PKD1L1: variants seen among roughly 807,000 people sequenced by gnomAD.
PKD1L1 encodes polycystin 1 like 1, transient receptor potential channel interacting.
PKD1L1 carries 236 observed loss-of-function variants against 323.4 expected under a neutral mutation model. The observed-to-expected ratio is 0.73, with a 90% CI of 0.66 to 0.81. The LOEUF is 0.81. Among genes scored for constraint, PKD1L1 ranks in the 40% least tolerant of loss-of-function variants. The pLI is 0.00. For synonymous variants in PKD1L1, 1,344 were observed against 1,335.0 expected (o/e 1.01, Z -0.15); for missense variants, 3,320 against 3,508.0 (o/e 0.95, Z 1.35).
intron 55 of PKD1L1, among the ~76,000 whole-genome samples, chr7:47,794,276 C>T (rs941217269): frequency 4.6e-5 from 7 of 152,126 alleles, no homozygotes; most frequent in Admixed American, 3.9e-4. Flanking sequence ...GGCCTGGATG[C>T]CAAGGAGGAA....
At chr7:47,939,753 C>T (rs547330215) in intron 3 of PKD1L1, among the ~76,000 whole-genome samples, 18 of 152,290 alleles carry the variant, frequency 1.2e-4, no homozygotes, top group South Asian at 2.1e-4. Context: ...GGAGCCATCT[C>T]GGGGCAGCTC....
At chr7:47,954,230 C>A in the PKD1L1 span, among the ~76,000 whole-genome samples, 1 of 152,168 alleles carries the variant, frequency 6.6e-6, no homozygotes, top group African/African-American at 2.4e-5. Context: ...CGTGAACTGG[C>A]AGCCTCTGGT....
At chr7:47,894,766 G>A (rs990529627) in intron 14 of PKD1L1, among the ~76,000 whole-genome samples, 1 of 151,080 alleles carries the variant, frequency 6.6e-6, no homozygotes, top group Non-Finnish European at 1.5e-5. Context: ...CACAAGAATC[G>A]CTTGAACCCA....
In PKD1L1 at chr7:47,813,212, G is replaced by T. The variant is rs1438662189; in HGVS notation, c.7255C>A (p.Leu2419Met). The change falls in exon 49 of 57, where the codon CTG becomes ATG. Residue 2419 changes from leucine (L) to methionine (M), a missense_variant. Physicochemically the swap from Leu to Met is conservative, Grantham distance 15 (BLOSUM62 2). Transcript: ENST00000289672. ...ACGTTTTGGTTCTCTGGGTCTATCA[G>T]GTAGGGGTTCTCAGGGCCTCCAACT... is the stretch of plus-strand genomic sequence containing the variant. ...PEVGGPENPYLIDPENQNVTL... is the reference protein window; with the variant it reads ...PEVGGPENPYMIDPENQNVTL... 1 of 1,614,088 alleles carries T rather than the reference G, an allele frequency of 6.2e-7. No homozygotes were observed. Among genetic ancestry groups the T allele is most frequent in the Non-Finnish European group, 8.5e-7 (1 of 1,180,052 alleles).
chr7:47,803,616 G>A (rs1173751922), intron 52 of PKD1L1, among the ~76,000 whole-genome samples: 1 of 152,180 alleles, frequency 6.6e-6, no homozygotes, highest in Non-Finnish European at 1.5e-5. Flanking sequence ...AGGTCTAGCA[G>A]GCACACACAG....
chr7:47,857,843 G>C lies in PKD1L1; in HGVS notation c.4363-11C>G, dbSNP rs1183031465. 6.8e-6 allele frequency: 11 copies of C among 1,610,526 alleles called. No homozygotes were observed. Among genetic ancestry groups the C allele is most frequent in the Non-Finnish European group, 9.3e-6 (11 of 1,176,988 alleles). The stretch of plus-strand genomic sequence containing the variant: ...CAAAGAGAGACAACCCTGAAACATA[G>C]AGCATAGGGAGTGGGATGTTTATAA... On this transcript the variant is annotated splice_polypyrimidine_tract_variant and intron_variant, in intron 27 of 56. Coordinates refer to ENST00000289672, the MANE Select transcript of PKD1L1 (RefSeq NM_138295.5).
intron 56 of PKD1L1, among the ~76,000 whole-genome samples, chr7:47,783,945 G>A (rs1433784210): frequency 1.3e-5 from 2 of 152,190 alleles, no homozygotes; most frequent in Non-Finnish European, 2.9e-5. Flanking sequence ...TTTAGTCCTT[G>A]AGAATTCAAC....
chr7:47,787,007 T>C (rs961737861), intron 56 of PKD1L1, among the ~76,000 whole-genome samples: 2 of 152,192 alleles, frequency 1.3e-5, no homozygotes. Flanking sequence ...TATTGATAGC[T>C]CCAGGCATCC....
chr7:47,903,751 T>A (rs938778350), intron 12 of PKD1L1, among the ~76,000 whole-genome samples: 9 of 152,226 alleles, frequency 5.9e-5, no homozygotes, highest in Admixed American at 5.2e-4. Context: ...CTTGACCATG[T>A]GTGTCTCCCT....
At chr7:47,948,325 T>C (rs1030057918) in intron 1 of PKD1L1, 72 bp downstream of exon 1, 1 of 1,575,010 alleles carries the variant, frequency 6.3e-7, no homozygotes, top group Non-Finnish European at 8.7e-7. Context: ...GTGATGACTT[T>C]TGAAAGAAAA....
chr7:47,793,121 T>C (rs187424844), intron 55 of PKD1L1, among the ~76,000 whole-genome samples: 18 of 150,536 alleles, frequency 1.2e-4, no homozygotes, highest in African/African-American at 3.9e-4. Flanking sequence ...CATTCTTTCA[T>C]CCCTTCGATT....
At chr7:47,775,297 C>T (rs1786543215) in intron 56 of PKD1L1, 131 bp from the exon 57 acceptor site, 3 of 922,792 alleles carry the variant, frequency 3.3e-6, no homozygotes, top group African/African-American at 3.4e-5. Flanking sequence ...ACCAAGGTGA[C>T]ATTTACAGAA....
At chr7:47,865,304 GAA>G in intron 25 of PKD1L1, 32 bp from the exon 26 acceptor site, 1 of 1,584,546 alleles carries the variant, frequency 6.3e-7, no homozygotes, top group Non-Finnish European at 8.6e-7. Context: ...AAAACAAAAA[GAA>G]AATGCAAGGA....
intron 56 of PKD1L1, among the ~76,000 whole-genome samples, chr7:47,788,533 C>G (rs937909555): frequency 3.4e-5 from 5 of 148,480 alleles, no homozygotes; most frequent in Admixed American, 1.3e-4. Flanking sequence ...GCTGGGATTA[C>G]AGGTGTGAGC....
intron 24 of PKD1L1, among the ~76,000 whole-genome samples, chr7:47,867,853 T>G (rs1444571730): frequency 1.3e-5 from 2 of 151,804 alleles, no homozygotes; most frequent in Non-Finnish European, 2.9e-5. Context: ...AAAAGTAAAT[T>G]TGAGAAAAGA....
intron 56 of PKD1L1, among the ~76,000 whole-genome samples, chr7:47,775,677 GAAGA>G (rs1359464122): frequency 6.6e-6 from 1 of 151,882 alleles, no homozygotes; most frequent in Admixed American, 6.5e-5. Flanking sequence ...TATATTAAAA[GAAGA>G]AAGGTCTTAA....
chr7:47,844,015 C>T (rs926531426), intron 33 of PKD1L1, among the ~76,000 whole-genome samples: 1 of 152,082 alleles, frequency 6.6e-6, no homozygotes, highest in Non-Finnish European at 1.5e-5. Flanking sequence ...TCCACCTGGA[C>T]AATACTCTGA....
At chr7:47,927,744 C>T (rs938623626) in intron 7 of PKD1L1, among the ~76,000 whole-genome samples, 1 of 152,118 alleles carries the variant, frequency 6.6e-6, no homozygotes, top group African/African-American at 2.4e-5. Flanking sequence ...ATCTCTACAT[C>T]GTTCACAGGA....
At chr7:47,855,986 T>C (rs973887275) in intron 28 of PKD1L1, among the ~76,000 whole-genome samples, 4 of 151,984 alleles carry the variant, frequency 2.6e-5, no homozygotes, top group African/African-American at 4.8e-5. Flanking sequence ...AGTATCAAAT[T>C]TTGCTATGTA....
Sources: gnomAD v4.1 joint callset for allele counts (sites outside exome capture counted in the v4.1 genomes callset) on GRCh38, gnomAD v4.1.1 for gene constraint, MANE v1.5 for transcripts, NCBI Gene and HGNC (gene_info 2026-07-23, HGNC 2026-07-21) for gene names.